SERPINA12: variants seen among roughly 807,000 people sequenced by gnomAD.
SERPINA12 encodes the protein serpin family A member 12, also known as serpin A12.
Under a neutral mutation model 25.9 loss-of-function variants are expected in SERPINA12, and 21 were observed. That is an observed-to-expected ratio of 0.81 (90% CI 0.58 to 1.17). SERPINA12 has a LOEUF of 1.17. Ranked by LOEUF, SERPINA12 falls within the 50% of genes most tolerant of loss-of-function variation. The pLI, the probability that SERPINA12 is intolerant of heterozygous loss-of-function variation, is 0.00. For synonymous variants in SERPINA12, 220 were observed against 196.0 expected (o/e 1.12, Z -1.02); for missense variants, 562 against 508.3 (o/e 1.11, Z -1.02).
At chr14:94,500,961 A>G (rs879803536) in intron 1 of SERPINA12, 9 of 983,412 alleles carry the variant, frequency 9.2e-6, no homozygotes, top group Non-Finnish European at 1.1e-5. Flanking sequence ...GTGACATTCC[A>G]GAAAGCACTT....
intron 2 of SERPINA12, among the ~76,000 whole-genome samples, chr14:94,515,102 C>T (rs1356766711): frequency 6.6e-6 from 1 of 152,192 alleles, no homozygotes; most frequent in East Asian, 1.9e-4. Context: ...AGTGATGGTC[C>T]CCAAGGGCCA....
upstream of SERPINA12, among the ~76,000 whole-genome samples, chr14:94,510,781 A>G (rs1229708173): frequency 1.3e-5 from 2 of 152,358 alleles, no homozygotes; most frequent in East Asian, 3.9e-4. Flanking sequence ...GAATGAAATA[A>G]TGTCCTTTAC....
At chr14:94,502,615 C>A (rs1900777888) in intron 1 of SERPINA12, among the ~76,000 whole-genome samples, 1 of 152,232 alleles carries the variant, frequency 6.6e-6, no homozygotes, top group Non-Finnish European at 1.5e-5. Flanking sequence ...AGAACTCCCC[C>A]TGCCCCCAGG....
intron 1 of SERPINA12, among the ~76,000 whole-genome samples, chr14:94,502,244 C>G (rs553961301): frequency 6.6e-6 from 1 of 152,100 alleles, no homozygotes; most frequent in Non-Finnish European, 1.5e-5. Context: ...AAAATAATTT[C>G]CTCCTCTTAT....
In SERPINA12 at chr14:94,498,038, G is replaced by C; in HGVS notation, c.360C>G (p.Ile120Met). 1 of 1,614,174 alleles carries C rather than the reference G, an allele frequency of 6.2e-7. No homozygotes were observed. The highest frequency in any genetic ancestry group is 1.1e-5 in the South Asian group (1 of 91,070). The change falls in exon 2 of 5, where the codon ATC becomes ATG. Residue 120 changes from isoleucine to methionine, a missense_variant. Physicochemically the swap from Ile to Met is conservative, Grantham distance 10. Coordinates refer to ENST00000677451, the MANE Select transcript of SERPINA12 (RefSeq NM_001382267.1). ...KDLHEGFHYIIHELTQKTQDL... is the reference protein window; with the variant it reads ...KDLHEGFHYIMHELTQKTQDL... Reference sequence around the variant, plus strand: ...CCTGGGTCTTCTGGGTCAGCTCGTGGATGATGTAATGGAAGCCCTCATGAA... The same window carrying C: ...CCTGGGTCTTCTGGGTCAGCTCGTGCATGATGTAATGGAAGCCCTCATGAA...
At chr14:94,511,626 TCTC>T, upstream of SERPINA12, 1 of 985,394 alleles carries the variant, frequency 1.0e-6, no homozygotes, top group Non-Finnish European at 1.2e-6. Context: ...CCATTCGACT[TCTC>T]CTTTGGAAGG....
upstream of SERPINA12, among the ~76,000 whole-genome samples, chr14:94,513,374 A>G (rs1816364254): frequency 6.6e-6 from 1 of 152,244 alleles, no homozygotes; most frequent in Admixed American, 6.5e-5. Flanking sequence ...ACCAAGAAAC[A>G]GTAGAGACTC....
intron 1 of SERPINA12, among the ~76,000 whole-genome samples, chr14:94,503,033 C>T (rs1314860830): frequency 6.6e-6 from 1 of 152,176 alleles, no homozygotes; most frequent in African/African-American, 2.4e-5. Flanking sequence ...TGTGCCTTGG[C>T]CTCCCAACAG....
chr14:94,503,060 C>T (rs1005480239), intron 1 of SERPINA12, among the ~76,000 whole-genome samples: 12 of 152,216 alleles, frequency 7.9e-5, no homozygotes, highest in African/African-American at 2.7e-4. Flanking sequence ...CTCACAAGAG[C>T]CCTGCACTTG....
At chr14:94,500,833 T>A in intron 1 of SERPINA12, 3 of 984,912 alleles carry the variant, frequency 3.0e-6, no homozygotes, top group Non-Finnish European at 2.4e-6. Flanking sequence ...AGTTACATGG[T>A]CACTTCCTTG....
At chr14:94,492,145 G>A (rs1033132425) in intron 3 of SERPINA12, among the ~76,000 whole-genome samples, 5 of 152,134 alleles carry the variant, frequency 3.3e-5, no homozygotes, top group Non-Finnish European at 7.4e-5. Flanking sequence ...CGAAGAGCGA[G>A]GCCTGAGACT....
chr14:94,512,197 A>G (rs1388564440), upstream of SERPINA12, among the ~76,000 whole-genome samples: 2 of 152,126 alleles, frequency 1.3e-5, no homozygotes, highest in Non-Finnish European at 2.9e-5. Flanking sequence ...GCCTCCAAAC[A>G]AAAAAAGCCG....
intron 1 of SERPINA12, among the ~76,000 whole-genome samples, chr14:94,505,755 C>T (rs879861443): frequency 6.6e-5 from 10 of 152,180 alleles, no homozygotes; most frequent in East Asian, 1.9e-4. Flanking sequence ...TAAATTTCCA[C>T]GGGAGACATG....
At chr14:94,490,072 C>T (rs1595684066) in intron 3 of SERPINA12, among the ~76,000 whole-genome samples, 2 of 152,268 alleles carry the variant, frequency 1.3e-5, no homozygotes, top group Admixed American at 1.3e-4. Context: ...GATGTCCACA[C>T]TGTAGTCGCT....
intron 1 of SERPINA12, among the ~76,000 whole-genome samples, chr14:94,504,965 T>C (rs143171813): frequency 6.6e-6 from 1 of 152,372 alleles, no homozygotes; most frequent in Non-Finnish European, 1.5e-5. Flanking sequence ...GCATTGAAGA[T>C]GTCTGGGAAC....
Position 94,503,182 on chromosome 14 carries a change from C to A in SERPINA12, c.-33-4752G>T, listed in dbSNP as rs1422006651. 4 of 983,034 alleles carry A rather than the reference C, an allele frequency of 4.1e-6. No homozygotes were observed. In the African/African-American group the frequency reaches 7.0e-5, roughly 17 times the overall value. 60.9% of individuals were successfully genotyped at this position (983,034 alleles called of 1,614,324 possible). A position where few individuals can be genotyped will look rare whatever the true frequency, so the allele number is the denominator to read the frequency against. ...AATTAAATTATTATTTTTAAAAGCA[C>A]ATTTAGAACTAAGTGGTGGTAAGAC... On this transcript the variant is annotated intron_variant, in intron 1 of 4. Transcript: ENST00000677451.
intron 1 of SERPINA12, among the ~76,000 whole-genome samples, chr14:94,509,022 T>C (rs1163300591): frequency 2.6e-5 from 4 of 152,208 alleles, no homozygotes; most frequent in Admixed American, 2.6e-4. Context: ...GAGTTTCCTA[T>C]AGCTGCACAG....
At chr14:94,500,161 G>A (rs1900653545) in intron 1 of SERPINA12, among the ~76,000 whole-genome samples, 1 of 152,276 alleles carries the variant, frequency 6.6e-6, no homozygotes, top group African/African-American at 2.4e-5. Flanking sequence ...CAAGCACTGT[G>A]GATAGAGCCT....
At chr14:94,501,988 T>A (rs1350047809) in intron 1 of SERPINA12, among the ~76,000 whole-genome samples, 1 of 152,014 alleles carries the variant, frequency 6.6e-6, no homozygotes, top group Non-Finnish European at 1.5e-5. Context: ...GTTGCTCTCC[T>A]GAGTTGAGCA....
Sources: gnomAD v4.1 joint callset for allele counts (sites outside exome capture counted in the v4.1 genomes callset) on GRCh38, gnomAD v4.1.1 for gene constraint, MANE v1.5 for transcripts, NCBI Gene and HGNC (gene_info 2026-07-23, HGNC 2026-07-21) for gene names.